NPAS3: variants seen among roughly 807,000 people sequenced by gnomAD.
NPAS3 encodes the protein neuronal PAS domain-containing protein 3.
A neutral mutation model predicts 73.1 loss-of-function variants in NPAS3; 14 were observed. The ratio of observed to expected loss-of-function variants is 0.19; its 90% CI spans 0.13 to 0.30. NPAS3 has a LOEUF of 0.30. Ranked by LOEUF, NPAS3 falls within the 10% of genes least tolerant of loss-of-function variation. The probability of loss-of-function intolerance (pLI) is 1.00; values close to 1 mark genes in which losing one functional copy is unlikely to be tolerated. For missense variants in NPAS3, 1,096 were observed against 1,250.0 expected (o/e 0.88, Z 1.86); for synonymous variants, 620 against 541.5 (o/e 1.14, Z -2.01).
chr14:33,291,515 G>A (rs2042098941), intron 3 of NPAS3, among the ~76,000 whole-genome samples: 1 of 152,186 alleles, frequency 6.6e-6, no homozygotes, highest in Non-Finnish European at 1.5e-5. Flanking sequence ...TCAGCCTCAA[G>A]ATGAGGATGA....
At chr14:33,537,438 A>T (rs967886587) in intron 4 of NPAS3, among the ~76,000 whole-genome samples, 1 of 152,192 alleles carries the variant, frequency 6.6e-6, no homozygotes, top group Non-Finnish European at 1.5e-5. Flanking sequence ...AGGTTTCAAC[A>T]CAGGCATAAA....
intron 1 of NPAS3, among the ~76,000 whole-genome samples, chr14:32,970,733 C>T (rs1157641874): frequency 1.3e-5 from 2 of 152,182 alleles, no homozygotes; most frequent in African/African-American, 4.8e-5. Context: ...TCTAGCACTC[C>T]TTGGCTTCTT....
intron 3 of NPAS3, among the ~76,000 whole-genome samples, chr14:33,223,520 C>T (rs527829696): frequency 6.6e-6 from 1 of 152,222 alleles, no homozygotes; most frequent in East Asian, 1.9e-4. Context: ...TACCATGTGA[C>T]TGGTGTCATA....
At position 33,801,092 on chromosome 14, in the gene NPAS3, G is replaced by T; in HGVS notation, c.2785G>T (p.Glu929Ter). The T allele has an allele frequency of 6.3e-7, 1 of 1,587,476 alleles. No homozygotes were observed. The highest frequency in any genetic ancestry group is 2.3e-5 in the East Asian group (1 of 43,396). ...CGGCATCCACGCGGCACAGACTCTG[G>T]AGCGCAAGGAGGACTGAGGCGCCGC... Residue 929 changes from glutamate (E) to a stop codon, truncating the protein, a stop_gained, in exon 12 of 12, where the codon GAG becomes TAG. Transcript: ENST00000356141. LOFTEE classifies it high-confidence loss of function.
chr14:33,203,488 C>G (rs1339091103), intron 2 of NPAS3, among the ~76,000 whole-genome samples: 2 of 152,124 alleles, frequency 1.3e-5, no homozygotes, highest in African/African-American at 2.4e-5. Context: ...CACCCCACAA[C>G]AGGCCCCGGT....
chr14:33,357,574 G>T (rs767554830), intron 3 of NPAS3, among the ~76,000 whole-genome samples: 2 of 152,194 alleles, frequency 1.3e-5, no homozygotes, highest in Non-Finnish European at 2.9e-5. Flanking sequence ...TCTTTGGACC[G>T]GCCTCTGCTT....
At chr14:33,778,824 G>C (rs968199881) in intron 9 of NPAS3, among the ~76,000 whole-genome samples, 1 of 152,212 alleles carries the variant, frequency 6.6e-6, no homozygotes, top group African/African-American at 2.4e-5. Context: ...GTCTTTTGCT[G>C]TCTCTCCTAT....
chr14:33,615,027 T>A (rs73272937), intron 5 of NPAS3, among the ~76,000 whole-genome samples: 117 of 151,984 alleles, frequency 7.7e-4, no homozygotes, highest in African/African-American at 2.7e-3. Context: ...GAAAAACAGG[T>A]AGGAGTTCTG....
intron 4 of NPAS3, among the ~76,000 whole-genome samples, chr14:33,384,398 T>TG (rs398024741): frequency 2.0e-5 from 3 of 151,196 alleles, no homozygotes; most frequent in East Asian, 1.9e-4. Flanking sequence ...TGTGTGTGTG[T>TG]TTTTAATGTT....
chr14:33,095,163 T>C (rs562435060), intron 2 of NPAS3, among the ~76,000 whole-genome samples: 1 of 141,202 alleles, frequency 7.1e-6, no homozygotes, highest in African/African-American at 2.6e-5. Context: ...TTTAAATCAT[T>C]ATAAAATTGG....
At chr14:33,333,478 T>C (rs934085783) in intron 3 of NPAS3, among the ~76,000 whole-genome samples, 1 of 152,218 alleles carries the variant, frequency 6.6e-6, no homozygotes, top group African/African-American at 2.4e-5. Flanking sequence ...TCAAGTATTA[T>C]TTTTAATTTC....
At chr14:33,528,816 A>G (rs771300572) in intron 4 of NPAS3, among the ~76,000 whole-genome samples, 5 of 152,156 alleles carry the variant, frequency 3.3e-5, no homozygotes, top group Non-Finnish European at 7.4e-5. Context: ...ACAGCAACTG[A>G]TAATTATTGA....
intron 2 of NPAS3, among the ~76,000 whole-genome samples, chr14:33,203,861 T>C (rs2046717746): frequency 6.6e-6 from 1 of 152,192 alleles, no homozygotes; most frequent in Admixed American, 6.5e-5. Context: ...CTGGGTCAAA[T>C]GGTATTTCTA....
At chr14:33,376,389 C>T (rs575104809) in intron 4 of NPAS3, among the ~76,000 whole-genome samples, 21 of 152,108 alleles carry the variant, frequency 1.4e-4, no homozygotes, top group Non-Finnish European at 2.6e-4. Context: ...AAAAATAGCT[C>T]ATCAAACTTT....
intron 2 of NPAS3, among the ~76,000 whole-genome samples, chr14:33,158,422 G>A (rs1044539765): frequency 1.3e-5 from 2 of 152,184 alleles, no homozygotes; most frequent in African/African-American, 4.8e-5. Context: ...ACTAGCTAGA[G>A]AATCAGAACA....
At chr14:33,406,116 G>T (rs1454210146) in intron 4 of NPAS3, among the ~76,000 whole-genome samples, 4 of 152,038 alleles carry the variant, frequency 2.6e-5, no homozygotes, top group African/African-American at 9.7e-5. Flanking sequence ...TGTCATCAGT[G>T]TCTTGATAAA....
intron 4 of NPAS3, among the ~76,000 whole-genome samples, chr14:33,382,067 G>A (rs559090400): frequency 1.3e-5 from 2 of 152,076 alleles, no homozygotes; most frequent in Non-Finnish European, 2.9e-5. Flanking sequence ...TGTTTGGGAG[G>A]GGGGCAGTTA....
At chr14:33,757,084 G>T (rs139491777) in intron 7 of NPAS3, among the ~76,000 whole-genome samples, 3 of 152,332 alleles carry the variant, frequency 2.0e-5, no homozygotes, top group African/African-American at 7.2e-5. Context: ...TTCAGGAGAT[G>T]CTGGACAAAG....
intron 7 of NPAS3, among the ~76,000 whole-genome samples, chr14:33,771,684 G>A (rs2062657185): frequency 6.6e-6 from 1 of 152,036 alleles, no homozygotes; most frequent in Non-Finnish European, 1.5e-5. Context: ...TGGTGGCGGG[G>A]CCTGTGGTCC....
Sources: gnomAD v4.1 joint callset for allele counts (sites outside exome capture counted in the v4.1 genomes callset) on GRCh38, gnomAD v4.1.1 for gene constraint, MANE v1.5 for transcripts, NCBI Gene and HGNC (gene_info 2026-07-23, HGNC 2026-07-21) for gene names.